Variants in BRAF observed in about 807,000 individuals in gnomAD.
The protein encoded by BRAF is B-Raf proto-oncogene, serine/threonine kinase, also known as serine/threonine-protein kinase B-raf.
A neutral mutation model predicts 104.6 loss-of-function variants in BRAF; 16 were observed. That is an observed-to-expected ratio of 0.15 (90% CI 0.10 to 0.23). BRAF has a LOEUF of 0.23. Ranked by LOEUF, BRAF falls within the 10% of genes least tolerant of loss-of-function variation. The pLI, the probability that BRAF is intolerant of heterozygous loss-of-function variation, is 1.00. For synonymous variants in BRAF, 310 were observed against 341.6 expected (o/e 0.91, Z 1.02); for missense variants, 541 against 937.3 (o/e 0.58, Z 5.52).
chr7:140,745,830 A>G (rs2128991532), intron 17 of BRAF, among the ~76,000 whole-genome samples: 1 of 152,204 alleles, frequency 6.6e-6, no homozygotes, highest in East Asian at 1.9e-4. Context: ...CTGATAAGAG[A>G]CTAGTACTTA....
At chr7:140,832,376 G>A (rs1806856839) in intron 3 of BRAF, among the ~76,000 whole-genome samples, 1 of 152,152 alleles carries the variant, frequency 6.6e-6, no homozygotes, top group African/African-American at 2.4e-5. Flanking sequence ...AATTATCCTG[G>A]CTGAGAAGAT....
intron 14 of BRAF, among the ~76,000 whole-genome samples, chr7:140,767,753 C>T (rs892923237): frequency 6.6e-6 from 1 of 152,154 alleles, no homozygotes; most frequent in African/African-American, 2.4e-5. Context: ...CACCCTGGAG[C>T]TGAAGTACCT....
At chr7:140,805,745 CTCTTGGGA>C (rs1803595969) in intron 5 of BRAF, among the ~76,000 whole-genome samples, 1 of 152,124 alleles carries the variant, frequency 6.6e-6, no homozygotes, top group Admixed American at 6.5e-5. Flanking sequence ...TTCCCAAGGA[CTCTTGGGA>C]TATAGAGAAA....
At chr7:140,781,913 TTTTTA>T (rs771444844) in intron 11 of BRAF, among the ~76,000 whole-genome samples, 9 of 152,168 alleles carry the variant, frequency 5.9e-5, no homozygotes, top group Non-Finnish European at 1.0e-4. Context: ...TTATTTTTAT[TTTTTA>T]TTTTATTATA....
intron 3 of BRAF, among the ~76,000 whole-genome samples, chr7:140,826,200 T>C (rs749826256): frequency 2.0e-5 from 3 of 152,230 alleles, no homozygotes; most frequent in Non-Finnish European, 4.4e-5. Context: ...ATTTCCTATG[T>C]AATTTGCTGT....
intron 17 of BRAF, among the ~76,000 whole-genome samples, chr7:140,743,689 AT>A (rs1403608937): frequency 6.6e-6 from 1 of 151,756 alleles, no homozygotes; most frequent in Non-Finnish European, 1.5e-5. Flanking sequence ...TAACCTGCAC[AT>A]TGTGTACATG....
chr7:140,806,245 T>C (rs1263561555), intron 5 of BRAF, among the ~76,000 whole-genome samples: 1 of 152,224 alleles, frequency 6.6e-6, no homozygotes, highest in Admixed American at 6.5e-5. Context: ...CTGAGAAACC[T>C]TCCTAACTCC....
intron 11 of BRAF, 48 bp downstream of exon 10, chr7:140,782,973 T>C: frequency 6.2e-7 from 1 of 1,601,678 alleles, no homozygotes; most frequent in East Asian, 2.2e-5. Context: ...TGGCTGTGAC[T>C]TCTAAGAAGA....
At chr7:140,883,335 T>C (rs1038806563) in intron 1 of BRAF, among the ~76,000 whole-genome samples, 1 of 152,226 alleles carries the variant, frequency 6.6e-6, no homozygotes, top group African/African-American at 2.4e-5. Context: ...TTTTCCTCTA[T>C]GGTACCTTTA....
rs901309702 is a variant in BRAF at position 140,724,976 on chromosome 7, A to G, written c.*1518T>C. ...GTGCAAAGATAAGATTTAGGTTCTT[A>G]ATGAATGCCAGTTCTTTCTATAAAA... On this transcript the variant is annotated 3_prime_UTR_variant, in exon 20 of 20. Coordinates refer to ENST00000644969, the MANE Select transcript of BRAF (RefSeq NM_001374258.1). 2 of 1,044,244 alleles carry G rather than the reference A, an allele frequency of 1.9e-6. No individual in the cohort carries two copies. The highest frequency in any genetic ancestry group is 3.3e-5 in the African/African-American group (2 of 59,932). The allele number at this position is 1,044,244 out of a possible 1,614,324, so 64.7% of individuals were successfully genotyped here.
At chr7:140,909,348 C>T (rs1043592010) in intron 1 of BRAF, among the ~76,000 whole-genome samples, 1 of 152,164 alleles carries the variant, frequency 6.6e-6, no homozygotes, top group African/African-American at 2.4e-5. Context: ...TCGCTTGAAC[C>T]CGGGAGGCGA....
intron 1 of BRAF, among the ~76,000 whole-genome samples, chr7:140,884,427 ATATGTGTGTGTGTGTGTGTGTGTGTGTG>A (rs1248491960): frequency 1.7e-5 from 2 of 114,664 alleles, no homozygotes; most frequent in East Asian, 2.7e-4. Flanking sequence ...TATATATAAG[ATATGTGTGTGTGTGTGTGTGTGTGTGTG>A]TGTGTGTGTG....
chr7:140,813,661 C>A (rs1804518496), intron 3 of BRAF, among the ~76,000 whole-genome samples: 1 of 151,952 alleles, frequency 6.6e-6, no homozygotes, highest in Admixed American at 6.6e-5. Context: ...TACATCTATA[C>A]AATGGAACTG....
intron 9 of BRAF, among the ~76,000 whole-genome samples, chr7:140,786,263 G>C (rs1801344237): frequency 6.6e-6 from 1 of 152,030 alleles, no homozygotes. Context: ...TTATTATTTT[G>C]GTTGCTTCAT....
intron 3 of BRAF, among the ~76,000 whole-genome samples, chr7:140,833,793 C>T (rs541378616): frequency 7.4e-4 from 112 of 152,164 alleles, no homozygotes; most frequent in Middle Eastern, 3.4e-3. Context: ...GCTGGTAACT[C>T]GTAACTCCAT....
chr7:140,817,612 C>T (rs1805011586), intron 3 of BRAF, among the ~76,000 whole-genome samples: 1 of 152,112 alleles, frequency 6.6e-6, no homozygotes, highest in Non-Finnish European at 1.5e-5. Context: ...ACCAATGGAA[C>T]AGAATAGAGA....
chr7:140,820,886 T>G (rs1805402867), intron 3 of BRAF, among the ~76,000 whole-genome samples: 1 of 152,210 alleles, frequency 6.6e-6, no homozygotes, highest in South Asian at 2.1e-4. Flanking sequence ...TTAGCTGTGA[T>G]TATACCACTG....
Position 140,724,976 on chromosome 7 carries a change from A to T in BRAF, c.*1518T>A. 2.9e-6 allele frequency: 3 copies of T among 1,044,362 alleles called. No homozygotes were observed. Among genetic ancestry groups the T allele is most frequent in the Non-Finnish European group, 3.5e-6 (3 of 866,046 alleles). The allele number at this position is 1,044,362 out of a possible 1,614,324, so 64.7% of individuals were successfully genotyped here. A position where few individuals can be genotyped will look rare whatever the true frequency, so the allele number is the denominator to read the frequency against. ...GTGCAAAGATAAGATTTAGGTTCTT[A>T]ATGAATGCCAGTTCTTTCTATAAAA... is the stretch of plus-strand genomic sequence containing the variant. On this transcript the variant is annotated 3_prime_UTR_variant, in exon 20 of 20. Coordinates refer to ENST00000644969, the MANE Select transcript of BRAF (RefSeq NM_001374258.1).
At chr7:140,739,098 A>C (rs1796685539) in intron 18 of BRAF, among the ~76,000 whole-genome samples, 1 of 152,202 alleles carries the variant, frequency 6.6e-6, no homozygotes, top group South Asian at 2.1e-4. Flanking sequence ...TATTAAAGGA[A>C]AGCTTGAATC....
Sources: gnomAD v4.1 joint callset for allele counts (sites outside exome capture counted in the v4.1 genomes callset) on GRCh38, gnomAD v4.1.1 for gene constraint, MANE v1.5 for transcripts, NCBI Gene and HGNC (gene_info 2026-07-23, HGNC 2026-07-21) for gene names.